The following LPAR6 variants were observed in gnomAD, a reference collection of about 807,000 sequenced individuals.
The protein encoded by LPAR6 is lysophosphatidic acid receptor 6, also known as G-protein coupled purinergic receptor P2Y5.
A neutral mutation model predicts 22.0 loss-of-function variants in LPAR6; 17 were observed. The observed-to-expected ratio is 0.77, with a 90% CI of 0.53 to 1.16. LPAR6 has a LOEUF of 1.16. LPAR6 is among the 50% of genes most tolerant of loss of function. The pLI, the probability that LPAR6 is intolerant of heterozygous loss-of-function variation, is 0.00. For synonymous variants in LPAR6, 136 were observed against 139.8 expected, an observed-to-expected ratio of 0.97 and a Z score of 0.19; for missense variants, 384 against 406.9, an observed-to-expected ratio of 0.94 and a Z score of 0.48.
chr13:48,428,643 T>A (rs1036649570), upstream of LPAR6, among the ~76,000 whole-genome samples: 20 of 152,232 alleles, frequency 1.3e-4, no homozygotes, highest in Non-Finnish European at 1.0e-4. Context: ...TGATAGAAAT[T>A]TAAGATTAAG....
chr13:48,441,958 T>A (rs1484515087), intron 1 of LPAR6, among the ~76,000 whole-genome samples: 1 of 152,216 alleles, frequency 6.6e-6, no homozygotes, highest in African/African-American at 2.4e-5. Flanking sequence ...GATAATTTGA[T>A]GCCTTGTCAC....
chr13:48,392,867 T>C (rs769565442), intron 1 of LPAR6, among the ~76,000 whole-genome samples: 2 of 152,194 alleles, frequency 1.3e-5, no homozygotes, highest in Admixed American at 6.5e-5. Context: ...TCCTGGATAT[T>C]TTTGTATTCC....
At chr13:48,414,902 A>C (rs1269381498), upstream of LPAR6, among the ~76,000 whole-genome samples, 1 of 152,208 alleles carries the variant, frequency 6.6e-6, no homozygotes, top group Non-Finnish European at 1.5e-5. Flanking sequence ...GGCTGGTAGA[A>C]GCTGAGTGAG....
intron 1 of LPAR6, chr13:48,424,254 A>G (rs1456589745): frequency 6.6e-6 from 1 of 152,262 alleles, no homozygotes; most frequent in Non-Finnish European, 1.5e-5. Context: ...ATTCTAGACT[A>G]GTATTACCAT....
chr13:48,409,787 G>T (rs1429788857), downstream of LPAR6, among the ~76,000 whole-genome samples: 1 of 151,694 alleles, frequency 6.6e-6, no homozygotes, highest in Non-Finnish European at 1.5e-5. Flanking sequence ...CACCATGTTG[G>T]CCAGGAGGGT....
At chr13:48,435,488 G>T (rs1261989960) in intron 1 of LPAR6, among the ~76,000 whole-genome samples, 1 of 152,018 alleles carries the variant, frequency 6.6e-6, no homozygotes, top group Admixed American at 6.6e-5. Context: ...TAGATATGTG[G>T]TTAGCAAATA....
chr13:48,429,599 A>C (rs1285140293), upstream of LPAR6: 5 of 152,154 alleles, frequency 3.3e-5, no homozygotes, highest in East Asian at 3.8e-4. Flanking sequence ...TAAAAAAAAA[A>C]CAAAAAACCT....
chr13:48,405,578 C>T (rs1256452009), intron 1 of LPAR6, among the ~76,000 whole-genome samples: 2 of 152,170 alleles, frequency 1.3e-5, no homozygotes, highest in African/African-American at 4.8e-5. Context: ...TTGTCTGTGG[C>T]TGCTTTTGCA....
Position 48,396,089 on chromosome 13 carries a change from T to G in LPAR6, n.115-6277A>C, listed in dbSNP as rs1948645816. 2.0e-5 allele frequency among the ~76,000 whole-genome samples: 3 copies of G among 152,184 alleles called. No individual in the cohort carries two copies. In the South Asian group the frequency reaches 6.2e-4, roughly 32 times the overall value. On this transcript the variant is annotated intron_variant and non_coding_transcript_variant, in intron 1 of 1. Coordinates refer to the LPAR6 transcript ENST00000462781. ...ATACTGCCCACAGTAATTTATAGAT[T>G]CAATGCTATCCCCATCAAGCTACCT...
At chr13:48,408,941 C>T (rs1359067079), downstream of LPAR6, among the ~76,000 whole-genome samples, 2 of 152,066 alleles carry the variant, frequency 1.3e-5, no homozygotes, top group Non-Finnish European at 2.9e-5. Flanking sequence ...ATTCTCCACC[C>T]CTTTCCCCCA....
intron 1 of LPAR6, among the ~76,000 whole-genome samples, chr13:48,439,216 A>G (rs1420514948): frequency 6.6e-6 from 1 of 152,214 alleles, no homozygotes; most frequent in Non-Finnish European, 1.5e-5. Context: ...AATTTCTATA[A>G]AATACACATA....
At chr13:48,418,945 T>C (rs1347549894) in intron 2 of LPAR6, among the ~76,000 whole-genome samples, 1 of 152,120 alleles carries the variant, frequency 6.6e-6, no homozygotes. Context: ...AGTGGGAGAC[T>C]TTAACACCCC....
intron 1 of LPAR6, among the ~76,000 whole-genome samples, chr13:48,425,746 T>C (rs1351163286): frequency 6.6e-6 from 1 of 152,186 alleles, no homozygotes; most frequent in East Asian, 1.9e-4. Context: ...CTATTGTATA[T>C]TTGTAAAAGG....
chr13:48,397,107 G>A (rs1041324886), intron 1 of LPAR6, among the ~76,000 whole-genome samples: 4 of 152,052 alleles, frequency 2.6e-5, no homozygotes, highest in African/African-American at 4.8e-5. Flanking sequence ...AGGATCTAGA[G>A]CCAGAAATAA....
At chr13:48,424,460 G>C (rs925868726) in intron 1 of LPAR6, among the ~76,000 whole-genome samples, 1 of 152,212 alleles carries the variant, frequency 6.6e-6, no homozygotes, top group Admixed American at 6.5e-5. Flanking sequence ...CAAAGTAAAA[G>C]TTGATGGGAA....
At chr13:48,435,335 C>A (rs1167191325) in intron 1 of LPAR6, among the ~76,000 whole-genome samples, 10 of 152,082 alleles carry the variant, frequency 6.6e-5, no homozygotes, top group Non-Finnish European at 1.2e-4. Context: ...ATTGATTAAC[C>A]TTTCCCTGTT....
rs1410682109 is a variant in LPAR6, at chr13:48,411,962, A to T, written c.462T>A (p.Val154=). 3.1e-6 allele frequency: 5 copies of T among 1,612,640 alleles called. No homozygotes were observed. In the South Asian group the frequency reaches 5.5e-5, roughly 18 times the overall value. ...VIGGSAPAVF[V]QSTHSQGNNA... ...TGTTACCCTGAGAGTGGGTAGACTG[A>T]ACAAAAACGGCGGGTGCACTTCCTC... Residue 154 remains valine (V), a synonymous_variant, in exon 1 of 1, where the codon GTT becomes GTA. Coordinates refer to ENST00000620633, the MANE Select transcript of LPAR6 (RefSeq NM_001162498.3).
chr13:48,404,484 G>C (rs1444365153), intron 1 of LPAR6, among the ~76,000 whole-genome samples: 2 of 151,528 alleles, frequency 1.3e-5, no homozygotes, highest in Admixed American at 6.6e-5. Flanking sequence ...GGGGGCTTCA[G>C]ATGGAAAGGG....
At chr13:48,396,708 G>A (rs1948651428) in intron 1 of LPAR6, among the ~76,000 whole-genome samples, 1 of 152,144 alleles carries the variant, frequency 6.6e-6, no homozygotes, top group Non-Finnish European at 1.5e-5. Flanking sequence ...GAGTGAACAG[G>A]CAACCTACAG....
Sources: gnomAD v4.1 joint callset for allele counts (sites outside exome capture counted in the v4.1 genomes callset) on GRCh38, gnomAD v4.1.1 for gene constraint, MANE v1.5 for transcripts, NCBI Gene and HGNC (gene_info 2026-07-23, HGNC 2026-07-21) for gene names.